PTPRT: variants seen among roughly 807,000 people sequenced by gnomAD.
PTPRT encodes the protein protein tyrosine phosphatase receptor type T.
Under a neutral mutation model 176.8 loss-of-function variants are expected in PTPRT, and 56 were observed. The observed-to-expected ratio is 0.32, with a 90% CI of 0.26 to 0.40. PTPRT has a LOEUF of 0.40. Among genes scored for constraint, PTPRT ranks in the 10% least tolerant of loss-of-function variants. PTPRT has a pLI of 1.00. For missense variants in PTPRT, 1,540 were observed against 1,908.2 expected, an observed-to-expected ratio of 0.81 and a Z score of 3.60; for synonymous variants, 783 against 739.0, an observed-to-expected ratio of 1.06 and a Z score of -0.96.
intron 3 of PTPRT, among the ~76,000 whole-genome samples, chr20:42,789,393 T>C (rs1172909763): frequency 6.6e-6 from 1 of 152,208 alleles, no homozygotes; most frequent in African/African-American, 2.4e-5. Context: ...TTATACTAGC[T>C]TAGACAGTGA....
At chr20:42,485,074 G>A (rs977675043) in intron 7 of PTPRT, among the ~76,000 whole-genome samples, 1 of 152,202 alleles carries the variant, frequency 6.6e-6, no homozygotes, top group Non-Finnish European at 1.5e-5. Flanking sequence ...AGGAACAGAG[G>A]CAAAAGACTG....
At chr20:42,149,845 T>A (rs1341146130) in intron 17 of PTPRT, among the ~76,000 whole-genome samples, 2 of 152,090 alleles carry the variant, frequency 1.3e-5, no homozygotes, top group African/African-American at 4.8e-5. Flanking sequence ...TAGAATAAAA[T>A]TATCATCTGG....
intron 15 of PTPRT, among the ~76,000 whole-genome samples, chr20:42,217,378 C>T (rs2055799274): frequency 1.3e-5 from 1 of 76,788 alleles, no homozygotes; most frequent in South Asian, 3.6e-4. Context: ...CTCAAACATA[C>T]ACACACACAC....
intron 15 of PTPRT, among the ~76,000 whole-genome samples, chr20:42,220,808 C>T (rs2055868607): frequency 6.6e-6 from 1 of 152,148 alleles, no homozygotes; most frequent in Admixed American, 6.6e-5. Flanking sequence ...GAAGTTTAAG[C>T]AGGACTCAAG....
intron 2 of PTPRT, among the ~76,000 whole-genome samples, chr20:42,837,774 G>A (rs1179096685): frequency 6.6e-6 from 1 of 152,192 alleles, no homozygotes; most frequent in Non-Finnish European, 1.5e-5. Flanking sequence ...CCAGTGAAGA[G>A]TGACTGCCAG....
At chr20:42,271,344 C>T (rs1425279938) in intron 13 of PTPRT, among the ~76,000 whole-genome samples, 2 of 152,236 alleles carry the variant, frequency 1.3e-5, no homozygotes, top group East Asian at 3.9e-4. Flanking sequence ...GTTCATCCGT[C>T]AGGTGTCAGT....
chr20:42,802,098 G>A (rs1277663087), intron 2 of PTPRT, among the ~76,000 whole-genome samples: 17 of 152,198 alleles, frequency 1.1e-4, no homozygotes, highest in Non-Finnish European at 1.5e-5. Context: ...TACTTGGAAA[G>A]CTTGTTAAAC....
intron 13 of PTPRT, among the ~76,000 whole-genome samples, chr20:42,253,826 T>C (rs1007060977): frequency 3.3e-5 from 5 of 152,170 alleles, no homozygotes; most frequent in African/African-American, 1.2e-4. Context: ...TCCTCTGAGC[T>C]CTGAGCACTC....
chr20:42,401,156 TAAATAAATA>T (rs2058903058), intron 9 of PTPRT, among the ~76,000 whole-genome samples: 1 of 149,976 alleles, frequency 6.7e-6, no homozygotes, highest in Admixed American at 6.6e-5. Context: ...AATAAATAAA[TAAATAAATA>T]AACAAACCTT....
intron 1 of PTPRT, among the ~76,000 whole-genome samples, chr20:42,998,270 G>T (rs932106393): frequency 1.3e-5 from 2 of 152,142 alleles, no homozygotes; most frequent in African/African-American, 4.8e-5. Flanking sequence ...CAGCACCTAC[G>T]TATTCAATTA....
chr20:42,930,076 T>C, intron 1 of PTPRT, among the ~76,000 whole-genome samples: 1 of 152,148 alleles, frequency 6.6e-6, no homozygotes, highest in East Asian at 1.9e-4. Flanking sequence ...CTGGGAAAAG[T>C]TTAAGCATAA....
At chr20:43,026,520 A>C (rs1014529079) in intron 1 of PTPRT, among the ~76,000 whole-genome samples, 1 of 152,218 alleles carries the variant, frequency 6.6e-6, no homozygotes, top group African/African-American at 2.4e-5. Flanking sequence ...AATGCATAAC[A>C]ATGATAATAA....
At chr20:42,783,612 C>A (rs1315490276) in intron 3 of PTPRT, among the ~76,000 whole-genome samples, 1 of 152,090 alleles carries the variant, frequency 6.6e-6, no homozygotes, top group South Asian at 2.1e-4. Flanking sequence ...CAATAGATAG[C>A]CAGCTCCAGT....
chr20:43,178,716 T>C (rs921895912), intron 1 of PTPRT, among the ~76,000 whole-genome samples: 5 of 152,114 alleles, frequency 3.3e-5, no homozygotes, highest in African/African-American at 1.2e-4. Flanking sequence ...AGCCCTGACC[T>C]AGACACCTAG....
intron 26 of PTPRT, among the ~76,000 whole-genome samples, chr20:42,100,396 C>T (rs577115588): frequency 1.3e-5 from 2 of 152,304 alleles, no homozygotes; most frequent in South Asian, 4.1e-4. Context: ...GCTATGGTTA[C>T]CAGATAATGC....
intron 6 of PTPRT, chr20:42,688,611 G>C (rs183524832): frequency 6.6e-6 from 1 of 152,250 alleles, no homozygotes; most frequent in Non-Finnish European, 1.5e-5. Context: ...TATATCAATA[G>C]GTATTATAAT....
chr20:43,018,484 C>T (rs527507786), intron 1 of PTPRT, among the ~76,000 whole-genome samples: 4 of 152,162 alleles, frequency 2.6e-5, no homozygotes, highest in Non-Finnish European at 5.9e-5. Context: ...TAAAATCATA[C>T]AAGAAAAGGT....
chr20:42,583,882 T>G (rs549225799), intron 7 of PTPRT, among the ~76,000 whole-genome samples: 3 of 152,318 alleles, frequency 2.0e-5, no homozygotes, highest in African/African-American at 7.2e-5. Flanking sequence ...TCTTACTCCA[T>G]GTGGTAGACT....
At chr20:42,185,173 G>A (rs1186410675) in intron 16 of PTPRT, among the ~76,000 whole-genome samples, 1 of 152,086 alleles carries the variant, frequency 6.6e-6, no homozygotes, top group Non-Finnish European at 1.5e-5. Flanking sequence ...CATGTAACAG[G>A]TGCCCATCAT....
Sources: gnomAD v4.1 joint callset for allele counts (sites outside exome capture counted in the v4.1 genomes callset) on GRCh38, gnomAD v4.1.1 for gene constraint, MANE v1.5 for transcripts, NCBI Gene and HGNC (gene_info 2026-07-23, HGNC 2026-07-21) for gene names.